AUTS2: variants seen among roughly 807,000 people sequenced by gnomAD.
AUTS2 encodes the protein autism susceptibility gene 2 protein.
In AUTS2, 17 loss-of-function variants were observed where a neutral mutation model predicts 112.4. That is an observed-to-expected ratio of 0.15 (90% CI 0.10 to 0.23). The LOEUF is 0.23. Among genes scored for constraint, AUTS2 ranks in the 10% least tolerant of loss-of-function variants. AUTS2 has a pLI of 1.00. For synonymous variants in AUTS2, 751 were observed against 702.7 expected, an observed-to-expected ratio of 1.07 and a Z score of -1.09; for missense variants, 1,510 against 1,701.6, an observed-to-expected ratio of 0.89 and a Z score of 1.98.
At chr7:69,960,863 A>G (rs1797402040) in intron 2 of AUTS2, among the ~76,000 whole-genome samples, 1 of 152,020 alleles carries the variant, frequency 6.6e-6, no homozygotes, top group African/African-American at 2.4e-5. Context: ...ACTGCTTTCT[A>G]GGTGCTCATC....
intron 7 of AUTS2, 57 bp downstream of exon 7, chr7:70,763,398 G>A: frequency 7.6e-7 from 1 of 1,320,364 alleles, no homozygotes; most frequent in Non-Finnish European, 1.0e-6. Context: ...GGATCAGGTG[G>A]GTGGGAGTCG....
At chr7:70,349,279 C>G (rs970402322) in intron 4 of AUTS2, among the ~76,000 whole-genome samples, 1 of 152,164 alleles carries the variant, frequency 6.6e-6, no homozygotes, top group Non-Finnish European at 1.5e-5. Context: ...GATTCTGCTG[C>G]TTGGTGCACA....
chr7:70,747,105 A>G (rs2129554874), intron 6 of AUTS2, among the ~76,000 whole-genome samples: 2 of 152,284 alleles, frequency 1.3e-5, no homozygotes, highest in South Asian at 4.1e-4. Context: ...CCAGGTAGAC[A>G]AGGCCCTCAG....
intron 4 of AUTS2, among the ~76,000 whole-genome samples, chr7:70,327,124 G>T (rs946014980): frequency 2.0e-5 from 3 of 151,922 alleles, no homozygotes; most frequent in Non-Finnish European, 4.4e-5. Context: ...TGCCATGTTT[G>T]CCAGGCTGGT....
At chr7:70,048,272 C>T (rs1157138496) in intron 2 of AUTS2, among the ~76,000 whole-genome samples, 4 of 152,188 alleles carry the variant, frequency 2.6e-5, no homozygotes, top group African/African-American at 7.2e-5. Context: ...TCTTCTGTAT[C>T]TCCATTACAT....
chr7:69,716,830 A>T (rs1043040060), intron 1 of AUTS2, among the ~76,000 whole-genome samples: 1 of 152,112 alleles, frequency 6.6e-6, no homozygotes, highest in African/African-American at 2.4e-5. Flanking sequence ...CGGGGGGGAA[A>T]AATTTGCTTA....
At chr7:70,743,167 T>G (rs185419005) in intron 6 of AUTS2, among the ~76,000 whole-genome samples, 2 of 152,182 alleles carry the variant, frequency 1.3e-5, no homozygotes, top group East Asian at 3.9e-4. Flanking sequence ...GTTTTATTTT[T>G]GTTTCTTTAA....
intron 6 of AUTS2, among the ~76,000 whole-genome samples, chr7:70,703,571 C>G (rs552389794): frequency 6.6e-6 from 1 of 150,498 alleles, no homozygotes; most frequent in East Asian, 2.0e-4. Context: ...TGGAATAGCT[C>G]TCTTAAGAAA....
chr7:70,141,077 CA>C lies in AUTS2; in HGVS notation c.660+6507del, dbSNP rs767877905. 3.9e-5 allele frequency among the ~76,000 whole-genome samples: 6 copies of C among 152,220 alleles called. No homozygotes were observed. The East Asian group carries it at 1.2e-3, about 29-fold the overall frequency. On this transcript the variant is annotated intron_variant, in intron 4 of 18. Coordinates refer to ENST00000342771, the MANE Select transcript of AUTS2 (RefSeq NM_015570.4). The stretch of plus-strand genomic sequence containing the variant: ...TTAAATGTAGCAGGCTTAAATTGTG[CA>C]GAGCTTGATGGATGTTTAGATAGTC...
intron 2 of AUTS2, among the ~76,000 whole-genome samples, chr7:70,036,053 A>AG (rs1322272051): frequency 6.6e-6 from 1 of 152,232 alleles, no homozygotes; most frequent in African/African-American, 2.4e-5. Flanking sequence ...GAATGGGGGA[A>AG]GGGGGGATCC....
At chr7:69,908,078 A>G (rs1443751257) in intron 2 of AUTS2, among the ~76,000 whole-genome samples, 1 of 152,222 alleles carries the variant, frequency 6.6e-6, no homozygotes, top group Admixed American at 6.5e-5. Context: ...ATGAATATAG[A>G]TACAATATAA....
In AUTS2 at chr7:70,531,125, C is replaced by T. The variant is rs748555549; in HGVS notation, c.690+95344C>T. Among the ~76,000 whole-genome samples, 13 of 57,420 alleles carry T rather than the reference C, an allele frequency of 2.3e-4. 1 individual carries two copies. Among genetic ancestry groups the T allele is most frequent in the Middle Eastern group, 0.016 (1 of 64 alleles). 37.7% of individuals were successfully genotyped at this position (57,420 alleles called of 152,430 possible). A position where few individuals can be genotyped will look rare whatever the true frequency, so the allele number is the denominator to read the frequency against. On this transcript the variant is annotated intron_variant, in intron 5 of 18. Transcript: ENST00000342771. ...GGCTGACTCCTGGCTTAGAGTATTC[C>T]TTATTCTTGAGAAATATTTGATCTA...
At chr7:70,018,726 G>A (rs1004379584) in intron 2 of AUTS2, among the ~76,000 whole-genome samples, 3 of 152,194 alleles carry the variant, frequency 2.0e-5, no homozygotes, top group Admixed American at 6.5e-5. Context: ...TATAGTAGGA[G>A]AAAGAATATC....
chr7:70,074,754 C>T (rs1221511575), intron 2 of AUTS2, among the ~76,000 whole-genome samples: 5 of 152,136 alleles, frequency 3.3e-5, no homozygotes, highest in Admixed American at 6.6e-5. Flanking sequence ...GTACAGCACA[C>T]GGAAGTAAAT....
rs181980843 is a variant in AUTS2, at chr7:70,300,955, T to G, written c.661-134797T>G. On this transcript the variant is annotated intron_variant, in intron 4 of 18. Transcript: ENST00000342771. ...CTAAAGGCAACACCTTTTCAAGCTC[T>G]TAAGAGTCTATATTTACATGGATAG... Among the ~76,000 whole-genome samples the G allele has an allele frequency of 2.5e-3, 374 of 152,326 alleles. 3 individuals are homozygous for G. The highest frequency in any genetic ancestry group is 8.5e-3 in the African/African-American group (354 of 41,584).
At chr7:69,798,046 G>T (rs1789924510) in intron 1 of AUTS2, among the ~76,000 whole-genome samples, 1 of 152,002 alleles carries the variant, frequency 6.6e-6, no homozygotes, top group Non-Finnish European at 1.5e-5. Flanking sequence ...CATGAAATGT[G>T]GGGGTCCTGA....
At chr7:70,742,290 C>A (rs1399440297) in intron 6 of AUTS2, among the ~76,000 whole-genome samples, 1 of 152,100 alleles carries the variant, frequency 6.6e-6, no homozygotes, top group Non-Finnish European at 1.5e-5. Context: ...TCCAAAGTCT[C>A]CCCCCGCCAG....
At chr7:69,775,356 T>TC (rs1423062057) in intron 1 of AUTS2, among the ~76,000 whole-genome samples, 1 of 152,234 alleles carries the variant, frequency 6.6e-6, no homozygotes, top group Non-Finnish European at 1.5e-5. Flanking sequence ...CTGAGAATGA[T>TC]CCCTGATGCA....
rs531144636 is a variant in AUTS2 at position 69,833,609 on chromosome 7, A to G, written c.310-65677A>G. ...ACCACCACGCCCAGCTAATTTTTGT[A>G]CTTTTATTAGAGTCGGGGTTTCGCC... On this transcript the variant is annotated intron_variant, in intron 1 of 18. Transcript: ENST00000342771. Among the ~76,000 whole-genome samples the G allele has an allele frequency of 1.2e-4, 18 of 152,036 alleles. No individual in the cohort carries two copies. The South Asian group carries it at 3.1e-3, about 26-fold the overall frequency.
Sources: gnomAD v4.1 joint callset for allele counts (sites outside exome capture counted in the v4.1 genomes callset) on GRCh38, gnomAD v4.1.1 for gene constraint, MANE v1.5 for transcripts, NCBI Gene and HGNC (gene_info 2026-07-23, HGNC 2026-07-21) for gene names.